KCNS3: variants seen among roughly 807,000 people sequenced by gnomAD.
KCNS3 encodes delayed-rectifier potassium channel regulatory subunit KCNS3.
In KCNS3, 13 loss-of-function variants were observed where a neutral mutation model predicts 31.0. The observed-to-expected ratio is 0.42, with a 90% CI of 0.27 to 0.67. KCNS3 has a LOEUF of 0.67. Ranked by LOEUF, KCNS3 falls within the 30% of genes least tolerant of loss-of-function variation. The pLI is 0.25. For synonymous variants in KCNS3, 238 were observed against 241.5 expected (o/e 0.99, Z 0.13); for missense variants, 545 against 622.4 (o/e 0.88, Z 1.32).
intron 1 of KCNS3, among the ~76,000 whole-genome samples, chr2:17,909,379 G>A (rs1662418221): frequency 6.6e-6 from 1 of 152,184 alleles, no homozygotes; most frequent in Non-Finnish European, 1.5e-5. Context: ...AGCTAGGAAA[G>A]GGAATTCCCT....
At chr2:17,881,428 T>A (rs1674640703) in intron 1 of KCNS3, among the ~76,000 whole-genome samples, 1 of 152,224 alleles carries the variant, frequency 6.6e-6, no homozygotes, top group Admixed American at 6.5e-5. Context: ...TGACTTGACA[T>A]GTCATTTTGC....
chr2:17,902,398 T>C (rs1662199673), intron 1 of KCNS3, among the ~76,000 whole-genome samples: 1 of 152,040 alleles, frequency 6.6e-6, no homozygotes, highest in Non-Finnish European at 1.5e-5. Flanking sequence ...GACTTGAGTA[T>C]GTCTATATAA....
At chr2:17,884,073 A>G (rs1256409919) in intron 1 of KCNS3, among the ~76,000 whole-genome samples, 1 of 116,458 alleles carries the variant, frequency 8.6e-6, no homozygotes, top group Non-Finnish European at 1.6e-5. Flanking sequence ...ACTTGGACAC[A>G]GGAAGGGGAA....
At chr2:17,888,643 A>ATATATATATC (rs1661759453) in intron 1 of KCNS3, among the ~76,000 whole-genome samples, 2 of 117,462 alleles carry the variant, frequency 1.7e-5, no homozygotes, top group Non-Finnish European at 3.6e-5. Context: ...ATATATATAT[A>ATATATATATC]TATATATATA....
rs763397222 is a variant in KCNS3, at chr2:17,931,335, C to G, written c.327C>G (p.Asn109Lys). ...FCQEIEYWGI[N>K]ELFIDSCCSN... ...AGGAGATCGAGTACTGGGGCATCAA[C>G]GAGCTCTTCATTGATTCTTGCTGCA... The change falls in exon 3 of 3, where the codon AAC becomes AAG. Residue 109 changes from asparagine to lysine, a missense_variant. Transcript: ENST00000304101. The surrounding 1 kb of genome is among the most constrained non-coding windows in gnomAD (Gnocchi z 5.4). 6.2e-7 allele frequency: 1 copy of G among 1,614,124 alleles called. No homozygotes were observed. The highest frequency in any genetic ancestry group is 2.2e-5 in the East Asian group (1 of 44,870).
At chr2:17,912,958 A>G (rs1662504718) in intron 1 of KCNS3, among the ~76,000 whole-genome samples, 1 of 152,202 alleles carries the variant, frequency 6.6e-6, no homozygotes. Context: ...GAAATTTGAC[A>G]GTTAAATTTG....
intron 2 of KCNS3, among the ~76,000 whole-genome samples, chr2:17,919,112 A>G (rs771913966): frequency 1.3e-5 from 2 of 152,194 alleles, no homozygotes; most frequent in African/African-American, 2.4e-5. Context: ...GGCTCACTAA[A>G]TCACTCAGCC....
intron 1 of KCNS3, among the ~76,000 whole-genome samples, chr2:17,884,262 AAAAAAAATATATATATATAT>A (rs1248157288): frequency 5.8e-5 from 3 of 51,786 alleles, no homozygotes; most frequent in Non-Finnish European, 7.8e-5. Context: ...TAATTAAAAA[AAAAAAAATATATATATATAT>A]ATATATATAT....
At chr2:17,918,373 G>A (rs1445342479) in intron 2 of KCNS3, among the ~76,000 whole-genome samples, 1 of 152,134 alleles carries the variant, frequency 6.6e-6, no homozygotes, top group Non-Finnish European at 1.5e-5. Flanking sequence ...TTCCACATAA[G>A]GATCAGGGTT....
Position 17,890,291 on chromosome 2 carries a change from G to C in KCNS3, c.-252+11485G>C, listed in dbSNP as rs573726255. On this transcript the variant is annotated intron_variant, in intron 1 of 2. Transcript: ENST00000304101. ...AATATTTCCTGCTTCGTTTCTTAGT[G>C]AGGTTATTTGGATTTTCTCTCTTCT... Among the ~76,000 whole-genome samples the C allele has an allele frequency of 1.2e-4, 18 of 152,230 alleles. No homozygotes were observed. In the South Asian group the frequency reaches 3.7e-3, roughly 32 times the overall value.
chr2:17,891,295 AT>A (rs1661851643), intron 1 of KCNS3, among the ~76,000 whole-genome samples: 2 of 152,098 alleles, frequency 1.3e-5, no homozygotes, highest in Admixed American at 6.6e-5. Context: ...AGTTTCTGTG[AT>A]TCCTTATGTG....
intron 2 of KCNS3, among the ~76,000 whole-genome samples, chr2:17,928,074 A>C (rs1202858584): frequency 1.3e-5 from 2 of 152,176 alleles, no homozygotes; most frequent in African/African-American, 4.8e-5. Context: ...AATCTCTTTA[A>C]ATATTTTAGA....
At chr2:17,890,464 G>A (rs558776310) in intron 1 of KCNS3, among the ~76,000 whole-genome samples, 7 of 151,260 alleles carry the variant, frequency 4.6e-5, no homozygotes, top group Non-Finnish European at 8.9e-5. Flanking sequence ...CTTCTTCTGC[G>A]GGGGTTGGGT....
chr2:17,896,689 AAGAG>A (rs2125237740), intron 1 of KCNS3, among the ~76,000 whole-genome samples: 1 of 151,080 alleles, frequency 6.6e-6, no homozygotes, highest in African/African-American at 2.4e-5. Context: ...AAGATCTCCC[AAGAG>A]GTTCCTTCTG....
At chr2:17,893,423 C>T (rs750499700) in intron 1 of KCNS3, among the ~76,000 whole-genome samples, 6 of 152,218 alleles carry the variant, frequency 3.9e-5, no homozygotes, top group East Asian at 1.9e-4. Flanking sequence ...GCAACCTCTC[C>T]TGAGTTCTGG....
At chr2:17,911,644 C>T (rs966041449) in intron 1 of KCNS3, among the ~76,000 whole-genome samples, 2 of 152,236 alleles carry the variant, frequency 1.3e-5, no homozygotes, top group South Asian at 2.1e-4. Flanking sequence ...TTCTCATTTA[C>T]TCTAAAAAGA....
intron 2 of KCNS3, among the ~76,000 whole-genome samples, chr2:17,929,050 T>C (rs1202059517): frequency 6.6e-6 from 1 of 152,238 alleles, no homozygotes; most frequent in African/African-American, 2.4e-5. Flanking sequence ...GCTTTCTAAG[T>C]CACAGTCACA....
At position 17,931,536 on chromosome 2, in the gene KCNS3, G is replaced by T. The variant is rs1432356511; in HGVS notation, c.528G>T (p.Glu176Asp). 1 of 1,614,208 alleles carries T rather than the reference G, an allele frequency of 6.2e-7. No homozygotes were observed. The highest frequency in any genetic ancestry group is 8.5e-7 in the Non-Finnish European group (1 of 1,180,030). The change falls in exon 3 of 3, where the codon GAG becomes GAT. Residue 176 changes from glutamate to aspartate, a missense_variant. By Grantham distance (45) the Glu-to-Asp change is conservative (BLOSUM62 2). Coordinates refer to ENST00000304101, the MANE Select transcript of KCNS3 (RefSeq NM_002252.5). The surrounding 1 kb of genome is among the most constrained non-coding windows in gnomAD (Gnocchi z 5.4). ...GGAAGAAAATCTGGATTAGAATGGA[G>T]AATCCAGCGTACTGCCTGTCCGCTA... ...QLRKKIWIRM[E>D]NPAYCLSAKL...
chr2:17,879,750 G>A (rs1420495586), intron 1 of KCNS3, among the ~76,000 whole-genome samples: 1 of 152,154 alleles, frequency 6.6e-6, no homozygotes, highest in African/African-American at 2.4e-5. Flanking sequence ...TCTCCCCCCG[G>A]TTTTGTCTGG....
Sources: allele counts gnomAD v4.1 joint callset (sites outside exome capture counted in the v4.1 genomes callset), GRCh38; gene constraint gnomAD v4.1.1; non-coding constraint Gnocchi (gnomAD v3.1); transcripts MANE v1.5; gene names NCBI Gene and HGNC (gene_info 2026-07-23, HGNC 2026-07-21).